The following NEDD9 variants were observed in gnomAD, a reference collection of about 807,000 sequenced individuals.
NEDD9 encodes the protein enhancer of filamentation 1.
In NEDD9, 26 loss-of-function variants were observed where a neutral mutation model predicts 76.6. The observed-to-expected ratio is 0.34, with a 90% CI of 0.25 to 0.47. The LOEUF (loss-of-function observed/expected upper bound fraction) is 0.47. NEDD9 is among the 20% of genes least tolerant of loss of function. The pLI, the probability that NEDD9 is intolerant of heterozygous loss-of-function variation, is 1.00. For synonymous variants in NEDD9, 392 were observed against 414.2 expected, an observed-to-expected ratio of 0.95 and a Z score of 0.65; for missense variants, 937 against 1,058.5, an observed-to-expected ratio of 0.89 and a Z score of 1.59.
intron 1 of NEDD9, among the ~76,000 whole-genome samples, chr6:11,351,259 A>C (rs149829720): frequency 2.6e-5 from 4 of 152,140 alleles, no homozygotes; most frequent in African/African-American, 7.2e-5. Flanking sequence ...AGCTCTTTGC[A>C]TATTTAGGGA....
At chr6:11,338,685 A>C (rs1762213153) in intron 1 of NEDD9, among the ~76,000 whole-genome samples, 1 of 152,302 alleles carries the variant, frequency 6.6e-6, no homozygotes, top group South Asian at 2.1e-4. Flanking sequence ...GCACTTTGGG[A>C]GGCCAAGGCA....
At chr6:11,248,071 GT>G (rs1181187341) in intron 3 of NEDD9, among the ~76,000 whole-genome samples, 3 of 151,884 alleles carry the variant, frequency 2.0e-5, no homozygotes, top group African/African-American at 4.8e-5. Flanking sequence ...ATTTTAAAGA[GT>G]TTTTTAACTC....
intron 1 of NEDD9, among the ~76,000 whole-genome samples, chr6:11,357,864 G>A (rs2113546973): frequency 6.6e-6 from 1 of 152,298 alleles, no homozygotes; most frequent in East Asian, 1.9e-4. Context: ...GAATGGCAGT[G>A]AGTCTGCGGT....
At chr6:11,197,503 G>C (rs1758322335) in intron 2 of NEDD9, among the ~76,000 whole-genome samples, 1 of 152,090 alleles carries the variant, frequency 6.6e-6, no homozygotes, top group African/African-American at 2.4e-5. Context: ...TCAGATGTTA[G>C]TATACCATTC....
chr6:11,277,925 C>T (rs75272051), intron 3 of NEDD9, among the ~76,000 whole-genome samples: 10,862 of 152,206 alleles, frequency 0.071, 407 homozygotes, highest in Middle Eastern at 0.14. Context: ...CTTCCTTTGC[C>T]TTGCCTTGCC....
Position 11,185,438 on chromosome 6 carries a change from C to T in NEDD9, c.2229G>A (p.Val743=). 3 of 1,614,192 alleles carry T rather than the reference C, an allele frequency of 1.9e-6. No homozygotes were observed. Among genetic ancestry groups the T allele is most frequent in the Non-Finnish European group, 2.5e-6 (3 of 1,180,032 alleles). The stretch of plus-strand genomic sequence containing the variant: ...TGAGGATGACAAACTTGCTGTGTGC[C>T]ACGAAGATTCGCGGGGGCTGGGCTG... The part of the protein sequence containing the change: ...VSSAQPPRIF[V]AHSKFVILSA... Residue 743 remains valine (V), a synonymous_variant, in exon 7 of 7, where the codon GTG becomes GTA. Transcript: ENST00000379446.
At chr6:11,295,475 A>C (rs1760869579) in intron 3 of NEDD9, among the ~76,000 whole-genome samples, 1 of 152,140 alleles carries the variant, frequency 6.6e-6, no homozygotes, top group South Asian at 2.1e-4. Flanking sequence ...CTGACACCCC[A>C]CTTCAGGCTT....
intron 2 of NEDD9, among the ~76,000 whole-genome samples, chr6:11,312,396 C>T (rs927464912): frequency 2.0e-5 from 3 of 152,094 alleles, no homozygotes; most frequent in African/African-American, 4.8e-5. Context: ...GTCCTCTCGA[C>T]GATGCCTCCT....
chr6:11,321,216 G>A (rs1761792595), intron 2 of NEDD9, among the ~76,000 whole-genome samples: 1 of 145,072 alleles, frequency 6.9e-6, no homozygotes, highest in African/African-American at 2.6e-5. Flanking sequence ...AAAGAAGGAA[G>A]GAGGGAGGAA....
intron 1 of NEDD9, among the ~76,000 whole-genome samples, chr6:11,346,207 A>T (rs556550315): frequency 4.1e-4 from 63 of 152,334 alleles, no homozygotes; most frequent in African/African-American, 1.5e-3. Flanking sequence ...TCTTCAGAAG[A>T]TGCTCTTTGA....
intron 3 of NEDD9, among the ~76,000 whole-genome samples, chr6:11,253,292 C>A (rs1401806983): frequency 6.6e-6 from 1 of 152,156 alleles, no homozygotes; most frequent in African/African-American, 2.4e-5. Context: ...TGAAATCAGA[C>A]AAGGCCTCCC....
intron 1 of NEDD9, among the ~76,000 whole-genome samples, chr6:11,336,628 G>A (rs761305465): frequency 2.6e-5 from 4 of 152,120 alleles, no homozygotes; most frequent in Non-Finnish European, 1.5e-5. Flanking sequence ...GGACATTACC[G>A]TACACTACTG....
Position 11,290,291 on chromosome 6 carries a change from C to A in NEDD9, c.12+15701G>T, listed in dbSNP as rs537316405. Among the ~76,000 whole-genome samples the A allele has an allele frequency of 3.4e-3, 524 of 152,268 alleles. 3 individuals are homozygous for A. Among genetic ancestry groups the A allele is most frequent in the Non-Finnish European group, 5.5e-3 (371 of 68,016 alleles). Reference sequence around the variant, plus strand: ...CGACGCTTGCAAGCCAGGCTGATACCATCCAGACCTTCATTCCCCCCAAAG... The same window carrying A: ...CGACGCTTGCAAGCCAGGCTGATACAATCCAGACCTTCATTCCCCCCAAAG... On this transcript the variant is annotated intron_variant, in intron 3 of 3. Transcript: ENST00000397378.
At chr6:11,357,960 G>C (rs1350875730) in intron 1 of NEDD9, among the ~76,000 whole-genome samples, 1 of 152,170 alleles carries the variant, frequency 6.6e-6, no homozygotes, top group Non-Finnish European at 1.5e-5. Flanking sequence ...TTCAACTAAA[G>C]AAGCTATGGG....
intron 1 of NEDD9, chr6:11,352,848 C>T (rs1371819617): frequency 6.6e-6 from 1 of 152,162 alleles, no homozygotes; most frequent in Non-Finnish European, 1.5e-5. Flanking sequence ...TAATCTGGGT[C>T]TCATTATTTA....
rs775606419 is a variant in NEDD9, at chr6:11,188,245, C to T, written c.1968G>A (p.Gln656=). The T allele has an allele frequency of 3.7e-6, 6 of 1,614,002 alleles. No individual in the cohort carries two copies. Among genetic ancestry groups the T allele is most frequent in the African/African-American group, 1.3e-5 (1 of 74,922 alleles). The stretch of plus-strand genomic sequence containing the variant: ...GATGATGTTCCAGCTGCATCTTGTT[C>T]TGTTTCATGATATTCTCTTTTTCCA... The part of the protein sequence containing the change: ...ELLEKENIMK[Q]NKMQLEHHQL... Residue 656 remains glutamine (Q), a synonymous_variant, in exon 6 of 7, where the codon CAG becomes CAA. Coordinates refer to ENST00000379446, the MANE Select transcript of NEDD9 (RefSeq NM_006403.4).
intron 1 of NEDD9, among the ~76,000 whole-genome samples, chr6:11,228,739 T>C (rs1759382599): frequency 6.6e-6 from 1 of 152,188 alleles, no homozygotes; most frequent in Non-Finnish European, 1.5e-5. Context: ...TAAAGGCTTT[T>C]ATCTCTGTGT....
intron 1 of NEDD9, among the ~76,000 whole-genome samples, chr6:11,374,616 G>A (rs542543535): frequency 7.9e-5 from 12 of 152,164 alleles, no homozygotes; most frequent in Admixed American, 1.3e-4. Context: ...CTGCATAGTC[G>A]CATATGCTAT....
At chr6:11,362,929 T>C (rs1439219552) in intron 1 of NEDD9, among the ~76,000 whole-genome samples, 1 of 152,246 alleles carries the variant, frequency 6.6e-6, no homozygotes, top group Non-Finnish European at 1.5e-5. Flanking sequence ...TGAAATAAAC[T>C]ATTGCTCTAA....
Sources: gnomAD v4.1 joint callset for allele counts (sites outside exome capture counted in the v4.1 genomes callset) on GRCh38, gnomAD v4.1.1 for gene constraint, MANE v1.5 for transcripts, NCBI Gene and HGNC (gene_info 2026-07-23, HGNC 2026-07-21) for gene names.